LAMB4: variants seen among roughly 807,000 people sequenced by gnomAD.
The protein encoded by LAMB4 is laminin subunit beta-4.
A neutral mutation model predicts 199.2 loss-of-function variants in LAMB4; 196 were observed. The ratio of observed to expected loss-of-function variants is 0.98; its 90% CI spans 0.88 to 1.11. LAMB4 has a LOEUF of 1.11. LAMB4 is among the 50% of genes least tolerant of loss of function. The probability of loss-of-function intolerance (pLI) is 0.00; values close to 1 mark genes in which losing one functional copy is unlikely to be tolerated. For missense variants in LAMB4, 2,080 were observed against 2,171.2 expected, an observed-to-expected ratio of 0.96 and a Z score of 0.83; for synonymous variants, 744 against 770.6, an observed-to-expected ratio of 0.97 and a Z score of 0.57.
chr7:108,092,167 T>C (rs2037432683), intron 13 of LAMB4, among the ~76,000 whole-genome samples, 170 bp downstream of exon 13: 1 of 152,188 alleles, frequency 6.6e-6, no homozygotes, highest in Admixed American at 6.5e-5. Context: ...ATTGTTTACC[T>C]CACCCTTGGA....
At chr7:108,014,769 CT>C in the LAMB4 span, among the ~76,000 whole-genome samples, 1 of 150,660 alleles carries the variant, frequency 6.6e-6, no homozygotes, top group African/African-American at 2.4e-5. Context: ...GTCACTAAGG[CT>C]GGAGTGCAGT....
intron 14 of LAMB4, 51 bp downstream of exon 14, chr7:108,091,575 A>G (rs183769341): frequency 5.8e-5 from 91 of 1,565,140 alleles, no homozygotes; most frequent in Non-Finnish European, 4.1e-5. Context: ...CTGTGTGTTT[A>G]CTGACATATC....
intron 24 of LAMB4, among the ~76,000 whole-genome samples, chr7:108,057,281 G>A (rs2036014540): frequency 1.3e-5 from 2 of 152,178 alleles, no homozygotes; most frequent in Non-Finnish European, 2.9e-5. Flanking sequence ...CGGACACAGG[G>A]AAATAGGCTC....
chr7:108,030,634 T>C (rs1256333189), intron 32 of LAMB4, among the ~76,000 whole-genome samples, 172 bp downstream of exon 32: 1 of 152,190 alleles, frequency 6.6e-6, no homozygotes, highest in Admixed American at 6.5e-5. Context: ...ACTTCTGCCT[T>C]CTACAGATAG....
intron 9 of LAMB4, 116 bp downstream of exon 9, chr7:108,104,383 G>A (rs969488154): frequency 1.6e-6 from 2 of 1,228,668 alleles, no homozygotes; most frequent in Non-Finnish European, 2.3e-6. Context: ...TATAGGAGCT[G>A]GGAGGACAGC....
chr7:108,091,781 G>A lies in LAMB4; in HGVS notation c.1551-5C>T. 4 of 1,612,686 alleles carry A rather than the reference G, an allele frequency of 2.5e-6. No individual in the cohort carries two copies. The highest frequency in any genetic ancestry group is 3.4e-6 in the Non-Finnish European group (4 of 1,179,616). On this transcript the variant is annotated splice_polypyrimidine_tract_variant and splice_region_variant and intron_variant, in intron 13 of 33. Transcript: ENST00000388781. The stretch of plus-strand genomic sequence containing the variant: ...TGCCCATTCTTGGGTGAGCACCTGA[G>A]GAAAAAGCAATTCATCATGAAAAAA...
Position 108,069,874 on chromosome 7 carries a change from A to G in LAMB4, c.2136T>C (p.Ile712=), listed in dbSNP as rs780507819. 9 of 1,610,924 alleles carry G rather than the reference A, an allele frequency of 5.6e-6. No homozygotes were observed. Among genetic ancestry groups the G allele is most frequent in the African/African-American group, 1.3e-5 (1 of 74,878 alleles). ...SHVLVDSLGL[I]PQINSLENFC... The stretch of plus-strand genomic sequence containing the variant: ...AATTCTCCAATGAATTGATTTGGGG[A>G]ATAAGGCCAAGCTTTTGAAAGAATG... The change falls in exon 18 of 34, where the codon ATT becomes ATC. Residue 712 remains isoleucine, a synonymous_variant. Transcript: ENST00000388781.
chr7:108,015,523 T>C, the LAMB4 span, among the ~76,000 whole-genome samples: 2 of 152,206 alleles, frequency 1.3e-5, no homozygotes, highest in African/African-American at 4.8e-5. Flanking sequence ...GGATTTCTGT[T>C]TGGGTTATGA....
chr7:108,125,350 T>C (rs1261471073), intron 1 of LAMB4, among the ~76,000 whole-genome samples: 1 of 152,258 alleles, frequency 6.6e-6, no homozygotes, highest in East Asian at 1.9e-4. Flanking sequence ...GATGCTGTCC[T>C]GTATTTAGAA....
At chr7:108,014,876 C>A in the LAMB4 span, among the ~76,000 whole-genome samples, 1 of 152,166 alleles carries the variant, frequency 6.6e-6, no homozygotes, top group East Asian at 1.9e-4. Flanking sequence ...GCGTGAGCCA[C>A]CACACCTGGC....
At chr7:108,054,014 A>G (rs59008084) in intron 25 of LAMB4, among the ~76,000 whole-genome samples, 6,003 of 152,278 alleles carry the variant, frequency 0.039, 401 homozygotes, top group African/African-American at 0.13. Context: ...CTTGCAACGC[A>G]GAAGTTGTAT....
At chr7:108,092,474 G>T in intron 12 of LAMB4, 58 bp from the exon 13 acceptor site, 1 of 1,298,482 alleles carries the variant, frequency 7.7e-7, no homozygotes, top group Non-Finnish European at 1.1e-6. Flanking sequence ...GCTCTGAAGT[G>T]CAACACTGAA....
chr7:108,035,167 C>T (rs977265918), intron 30 of LAMB4, among the ~76,000 whole-genome samples: 2 of 152,122 alleles, frequency 1.3e-5, no homozygotes, highest in Admixed American at 6.6e-5. Context: ...TGTAACATTC[C>T]CAGGGTACCA....
intron 14 of LAMB4, 54 bp from the exon 15 acceptor site, chr7:108,079,840 G>A (rs2036862721): frequency 4.3e-6 from 6 of 1,406,450 alleles, no homozygotes; most frequent in South Asian, 1.5e-5. Flanking sequence ...GCCTGAAAGA[G>A]TTCAAGAAAA....
downstream of LAMB4, among the ~76,000 whole-genome samples, chr7:108,019,832 T>C (rs1238849251): frequency 1.3e-5 from 2 of 152,172 alleles, no homozygotes; most frequent in African/African-American, 4.8e-5. Context: ...CTTCCCTTCA[T>C]TGTGCCATGC....
chr7:108,059,193 C>T (rs2036081901), intron 23 of LAMB4, among the ~76,000 whole-genome samples: 1 of 150,118 alleles, frequency 6.7e-6, no homozygotes, highest in South Asian at 2.1e-4. Flanking sequence ...ACGAGCTCCA[C>T]CTCCCGGGTT....
rs2035516848 is a variant in LAMB4, at chr7:108,043,735, A to G, written c.4471+17T>C. Reference sequence around the variant, plus strand: ...GAAAAAAACAAAAACTAGTCCTAATATATATTTTTAAATTACCTAACAAAA... The same window carrying G: ...GAAAAAAACAAAAACTAGTCCTAATGTATATTTTTAAATTACCTAACAAAA... On this transcript the variant is annotated intron_variant, in intron 29 of 33. Coordinates refer to ENST00000388781, the MANE Select transcript of LAMB4 (RefSeq NM_007356.3). 2.0e-6 allele frequency: 3 copies of G among 1,495,006 alleles called. No individual in the cohort carries two copies. The East Asian group carries it at 6.9e-5, about 35-fold the overall frequency. 92.6% of individuals were successfully genotyped at this position (1,495,006 alleles called of 1,614,324 possible). A position where few individuals can be genotyped will look rare whatever the true frequency, so the allele number is the denominator to read the frequency against.
chr7:108,126,278 G>A (rs2038774490), intron 1 of LAMB4, among the ~76,000 whole-genome samples: 1 of 152,092 alleles, frequency 6.6e-6, no homozygotes, highest in South Asian at 2.1e-4. Context: ...GTACACTTCA[G>A]TAGTGTTAAT....
intron 2 of LAMB4, among the ~76,000 whole-genome samples, chr7:108,118,120 GT>G (rs527973200): frequency 3.3e-5 from 5 of 151,828 alleles, no homozygotes; most frequent in African/African-American, 9.7e-5. Flanking sequence ...TATAGAAATA[GT>G]TTTTTTTCTT....
Sources: allele counts gnomAD v4.1 joint callset (sites outside exome capture counted in the v4.1 genomes callset), GRCh38; gene constraint gnomAD v4.1.1; transcripts MANE v1.5; gene names NCBI Gene and HGNC (gene_info 2026-07-23, HGNC 2026-07-21).